PTPRN2: variants seen among roughly 807,000 people sequenced by gnomAD.
PTPRN2 encodes protein tyrosine phosphatase receptor type N2.
A neutral mutation model predicts 118.8 loss-of-function variants in PTPRN2; 74 were observed. That is an observed-to-expected ratio of 0.62 (90% confidence interval 0.52 to 0.76). The LOEUF (loss-of-function observed/expected upper bound fraction) is 0.76, where lower values mean the gene tolerates loss of function less well. PTPRN2 is among the 30% of genes least tolerant of loss of function. The pLI is 0.00. For missense variants in PTPRN2, 1,481 were observed against 1,394.4 expected (o/e 1.06, Z -0.99); for synonymous variants, 641 against 608.0 (o/e 1.05, Z -0.80).
At position 157,617,882 on chromosome 7, in the gene PTPRN2, TAC is replaced by T. The variant is rs1802895794; in HGVS notation, c.2344+3478_2344+3479del. ...TGGTTCTCTCTCTCTCTCTCGTTAT[TAC>T]AACATAGAGCCAAAAATACTTTTTT... On this transcript the variant is annotated intron_variant, in intron 15 of 22. Transcript: ENST00000389418. The surrounding 1 kb of genome is among the most constrained non-coding windows in gnomAD (Gnocchi z 7.5). 1 of 152,274 alleles carries T rather than the reference TAC, an allele frequency of 6.6e-6. No individual in the cohort carries two copies. The highest frequency in any genetic ancestry group is 2.4e-5 in the African/African-American group (1 of 41,474). The allele number at this position is 152,274 out of a possible 1,614,324, so 9.4% of individuals were successfully genotyped here. A position where few individuals can be genotyped will look rare whatever the true frequency, so the allele number is the denominator to read the frequency against.
chr7:158,113,723 G>C (rs1816483316), intron 9 of PTPRN2, among the ~76,000 whole-genome samples: 1 of 152,188 alleles, frequency 6.6e-6, no homozygotes, highest in Admixed American at 6.5e-5. Context: ...CATTGAGGTG[G>C]ATTCTCATGG....
At chr7:158,152,163 G>A (rs939130163) in intron 6 of PTPRN2, among the ~76,000 whole-genome samples, 1 of 102,770 alleles carries the variant, frequency 9.7e-6, no homozygotes, top group East Asian at 3.1e-4. Flanking sequence ...GAAAGAGTGA[G>A]ACTCTGTCTC....
At chr7:157,741,789 T>C (rs1242555300) in intron 12 of PTPRN2, among the ~76,000 whole-genome samples, 3 of 152,240 alleles carry the variant, frequency 2.0e-5, no homozygotes, top group African/African-American at 7.2e-5. Context: ...CCTGGGCTTC[T>C]GTCCTCTCTC....
chr7:157,547,989 C>T (rs974162033), intron 22 of PTPRN2, among the ~76,000 whole-genome samples: 17 of 151,324 alleles, frequency 1.1e-4, no homozygotes, highest in African/African-American at 4.2e-4. Flanking sequence ...CAGTGGTTTG[C>T]ATCGGTGCTG....
chr7:158,135,790 T>TG (rs544553499), intron 8 of PTPRN2, among the ~76,000 whole-genome samples: 31 of 152,324 alleles, frequency 2.0e-4, no homozygotes, highest in Non-Finnish European at 3.2e-4. Flanking sequence ...TTCCTGCACT[T>TG]GCCAACAGGC....
At chr7:157,562,940 A>C (rs34068475) in intron 21 of PTPRN2, among the ~76,000 whole-genome samples, 1 of 95,370 alleles carries the variant, frequency 1.0e-5, no homozygotes, top group Non-Finnish European at 2.0e-5. Flanking sequence ...GTGCTCCCAC[A>C]TCACCACACA....
At chr7:157,605,797 G>C (rs1280570814) in intron 15 of PTPRN2, among the ~76,000 whole-genome samples, 2 of 152,222 alleles carry the variant, frequency 1.3e-5, no homozygotes, top group Admixed American at 1.3e-4. Context: ...GGGCCTCAGA[G>C]GGGAGGAAGT....
At chr7:157,716,838 G>T (rs1798943629) in intron 12 of PTPRN2, among the ~76,000 whole-genome samples, 1 of 106,528 alleles carries the variant, frequency 9.4e-6, no homozygotes, top group Non-Finnish European at 1.9e-5. Flanking sequence ...CGGGAACACT[G>T]CCTGGCCACG....
chr7:158,132,258 T>C (rs111684199), intron 9 of PTPRN2, among the ~76,000 whole-genome samples: 1 of 145,424 alleles, frequency 6.9e-6, no homozygotes, highest in African/African-American at 2.6e-5. Context: ...CTACCCGACA[T>C]ACACACTCAT....
intron 4 of PTPRN2, among the ~76,000 whole-genome samples, chr7:158,202,384 G>T (rs1826709173): frequency 6.6e-6 from 1 of 152,158 alleles, no homozygotes. Context: ...GAAGGCACCG[G>T]CAGGACTGGG....
At chr7:158,119,584 A>AG (rs1227036340) in intron 9 of PTPRN2, among the ~76,000 whole-genome samples, 1 of 151,966 alleles carries the variant, frequency 6.6e-6, no homozygotes, top group African/African-American at 2.4e-5. Context: ...TAGGTACCTG[A>AG]GGTACAGTAC....
intron 3 of PTPRN2, among the ~76,000 whole-genome samples, chr7:158,235,192 A>C (rs1460362978): frequency 6.6e-6 from 1 of 152,256 alleles, no homozygotes; most frequent in Non-Finnish European, 1.5e-5. Flanking sequence ...GAGGTTGCTC[A>C]GAAAAAAGTG....
intron 1 of PTPRN2, among the ~76,000 whole-genome samples, chr7:158,494,035 T>C (rs1821647912): frequency 6.6e-6 from 1 of 152,240 alleles, no homozygotes; most frequent in Non-Finnish European, 1.5e-5. Flanking sequence ...TTCTTACCCT[T>C]CTCAAGATGA....
chr7:157,682,490 CAG>C (rs966293864), intron 13 of PTPRN2, among the ~76,000 whole-genome samples: 30 of 152,122 alleles, frequency 2.0e-4, no homozygotes, highest in East Asian at 7.7e-4. Context: ...AACATTCTTC[CAG>C]AGTTAACACG....
At chr7:157,681,445 C>T (rs1344068215) in intron 13 of PTPRN2, among the ~76,000 whole-genome samples, 1 of 152,194 alleles carries the variant, frequency 6.6e-6, no homozygotes, top group African/African-American at 2.4e-5. Context: ...ACTGAAATGC[C>T]AGCCTCAACA....
chr7:157,799,800 AC>A lies in PTPRN2; in HGVS notation c.1788+98872del, dbSNP rs1287850675. On this transcript the variant is annotated intron_variant, in intron 12 of 22. Coordinates refer to ENST00000389418, the MANE Select transcript of PTPRN2 (RefSeq NM_002847.5). ...CCCTCAGAGTCACCACAATCGGCCT[AC>A]CCCGTCCCTCAGAGGCACCACAGCC... 3.7e-5 allele frequency among the ~76,000 whole-genome samples: 3 copies of A among 81,932 alleles called. No homozygotes were observed. In the East Asian group the frequency reaches 7.8e-4, roughly 21 times the overall value. The allele number at this position is 81,932 out of a possible 152,430, so 53.8% of individuals were successfully genotyped here.
At chr7:158,396,550 G>A (rs1010589775) in intron 2 of PTPRN2, among the ~76,000 whole-genome samples, 20 of 152,188 alleles carry the variant, frequency 1.3e-4, no homozygotes, top group Non-Finnish European at 2.5e-4. Context: ...TGCCTTGCCC[G>A]CTTCCTGTGC....
At chr7:158,502,361 A>G (rs946015617) in intron 1 of PTPRN2, among the ~76,000 whole-genome samples, 6 of 152,260 alleles carry the variant, frequency 3.9e-5, no homozygotes, top group Admixed American at 6.5e-5. Context: ...TTAGAAGGAG[A>G]TCAGGTTCTT....
chr7:157,695,883 C>A (rs1406454522), intron 12 of PTPRN2, among the ~76,000 whole-genome samples: 4 of 151,834 alleles, frequency 2.6e-5, no homozygotes, highest in Admixed American at 6.6e-5. Context: ...CACCATCTAC[C>A]CATGCATACT....
Sources: gnomAD v4.1 joint callset for allele counts (sites outside exome capture counted in the v4.1 genomes callset) on GRCh38, gnomAD v4.1.1 for gene constraint, Gnocchi (gnomAD v3.1) non-coding constraint, MANE v1.5 for transcripts, NCBI Gene and HGNC (gene_info 2026-07-23, HGNC 2026-07-21) for gene names.